The following SMCHD1 variants were observed in gnomAD, a reference collection of about 807,000 sequenced individuals.
The protein encoded by SMCHD1 is structural maintenance of chromosomes flexible hinge domain-containing protein 1.
In SMCHD1, 78 loss-of-function variants were observed where a neutral mutation model predicts 254.7. The observed-to-expected ratio is 0.31, with a 90% CI of 0.26 to 0.37. The LOEUF (loss-of-function observed/expected upper bound fraction) is 0.37, where lower values mean the gene tolerates loss of function less well. Among genes scored for constraint, SMCHD1 ranks in the 10% least tolerant of loss-of-function variants. The pLI is 1.00. For synonymous variants in SMCHD1, 766 were observed against 794.9 expected, an observed-to-expected ratio of 0.96 and a Z score of 0.61; for missense variants, 1,840 against 2,408.1, an observed-to-expected ratio of 0.76 and a Z score of 4.94.
chr18:2,689,262 G>A (rs1394200829), intron 7 of SMCHD1, among the ~76,000 whole-genome samples: 1 of 146,240 alleles, frequency 6.8e-6, no homozygotes, highest in Non-Finnish European at 1.5e-5. Context: ...CTGTCTCCTG[G>A]GCTGGAGTGC....
chr18:2,683,445 T>C (rs599853), intron 5 of SMCHD1, among the ~76,000 whole-genome samples: 125,352 of 152,142 alleles, frequency 0.82, 55,098 homozygotes, highest in East Asian at 1. Flanking sequence ...ATTGTCTTTC[T>C]ATTGATTTCA....
At chr18:2,768,882 T>TGGCA (rs71159007) in intron 37 of SMCHD1, among the ~76,000 whole-genome samples, 48,488 of 151,672 alleles carry the variant, frequency 0.32, 9,716 homozygotes, top group Non-Finnish European at 0.45. Flanking sequence ...AGAAACTGAT[T>TGGCA]GGCAGTTGGT....
intron 5 of SMCHD1, among the ~76,000 whole-genome samples, 199 bp from the exon 6 acceptor site, chr18:2,688,195 C>G (rs1304371630): frequency 6.6e-6 from 1 of 152,212 alleles, no homozygotes; most frequent in Non-Finnish European, 1.5e-5. Flanking sequence ...AAGTTTTCAG[C>G]TAAAGCTGAT....
intron 1 of SMCHD1, among the ~76,000 whole-genome samples, chr18:2,658,038 C>A (rs2073126021): frequency 6.6e-6 from 1 of 152,036 alleles, no homozygotes; most frequent in Admixed American, 6.6e-5. Context: ...AGAGATCCAC[C>A]CGCCTCCCAA....
At chr18:2,723,242 T>C (rs2143411027) in intron 20 of SMCHD1, among the ~76,000 whole-genome samples, 1 of 152,348 alleles carries the variant, frequency 6.6e-6, no homozygotes, top group South Asian at 2.1e-4. Context: ...TAATACCGTT[T>C]TCACTGATAA....
At chr18:2,750,889 A>C (rs971649061) in intron 32 of SMCHD1, among the ~76,000 whole-genome samples, 3 of 152,060 alleles carry the variant, frequency 2.0e-5, no homozygotes, top group Non-Finnish European at 4.4e-5. Context: ...TTTCAGGGAG[A>C]TCTATTTCCT....
chr18:2,759,725 A>G (rs1399088278), intron 34 of SMCHD1, among the ~76,000 whole-genome samples: 1 of 151,584 alleles, frequency 6.6e-6, no homozygotes, highest in Non-Finnish European at 1.5e-5. Flanking sequence ...GCACACCACC[A>G]TGCCTGGCTC....
intron 32 of SMCHD1, 71 bp from the exon 33 acceptor site, chr18:2,751,207 G>A (rs916434479): frequency 1.4e-5 from 11 of 766,326 alleles, no homozygotes; most frequent in Admixed American, 6.1e-5. Context: ...TTGCTTTAAG[G>A]CATACAATTA....
chr18:2,707,367 C>G, intron 15 of SMCHD1, 196 bp from the exon 16 acceptor site: 2 of 308,890 alleles, frequency 6.5e-6, no homozygotes, highest in Non-Finnish European at 1.2e-5. Flanking sequence ...TTTTTTTCTT[C>G]TTCTTTTTTT....
At chr18:2,770,734 C>A (rs1023116368) in intron 39 of SMCHD1, among the ~76,000 whole-genome samples, 4 of 152,102 alleles carry the variant, frequency 2.6e-5, no homozygotes, top group African/African-American at 9.7e-5. Flanking sequence ...GATTCTCGTG[C>A]CTCAGCCTCC....
At chr18:2,657,677 A>G (rs2073112685) in intron 1 of SMCHD1, among the ~76,000 whole-genome samples, 1 of 152,112 alleles carries the variant, frequency 6.6e-6, no homozygotes, top group South Asian at 2.1e-4. Context: ...TATGTGTTTT[A>G]TATTCTATTA....
Position 2,672,955 on chromosome 18 carries a change from C to A in SMCHD1, c.425-326C>A, listed in dbSNP as rs1006231202. On this transcript the variant is annotated intron_variant, in intron 3 of 47. Coordinates refer to ENST00000320876, the MANE Select transcript of SMCHD1 (RefSeq NM_015295.3). ...GCTTGATGTAATTACATACTGCAGA[C>A]TATTTGATTTTATGGTTATGGTCTT... 8.5e-6 allele frequency: 4 copies of A among 473,068 alleles called. No individual in the cohort carries two copies. The African/African-American group carries it at 8.7e-5, about 10-fold the overall frequency. The allele number at this position is 473,068 out of a possible 1,614,324, so 29.3% of individuals were successfully genotyped here.
At chr18:2,709,228 ATGTG>A (rs150894551) in intron 17 of SMCHD1, among the ~76,000 whole-genome samples, 7 of 108,908 alleles carry the variant, frequency 6.4e-5, no homozygotes, top group Non-Finnish European at 1.2e-4. Flanking sequence ...ATATGTGTAT[ATGTG>A]TATATATATA....
At chr18:2,672,189 A>T (rs1052109181) in intron 3 of SMCHD1, among the ~76,000 whole-genome samples, 6 of 152,096 alleles carry the variant, frequency 3.9e-5, no homozygotes, top group Admixed American at 3.9e-4. Flanking sequence ...TGGAGTGTTT[A>T]GGGTGAGTAG....
intron 45 of SMCHD1, among the ~76,000 whole-genome samples, chr18:2,789,207 T>TTA (rs1491543676): frequency 3.7e-5 from 1 of 27,104 alleles, no homozygotes; most frequent in Admixed American, 3.4e-4. Context: ...ATTATTATTA[T>TTA]TTTTTTTTTT....
intron 47 of SMCHD1, among the ~76,000 whole-genome samples, chr18:2,801,658 A>G (rs951896728): frequency 1.3e-5 from 2 of 152,116 alleles, no homozygotes; most frequent in Non-Finnish European, 2.9e-5. Context: ...GTTTCTGTAT[A>G]TTTATGTTTA....
At chr18:2,698,173 G>T in intron 10 of SMCHD1, 132 bp downstream of exon 10, 4 of 641,598 alleles carry the variant, frequency 6.2e-6, no homozygotes, top group South Asian at 2.3e-5. Context: ...GCAAGTCTTA[G>T]ATTGTTAGGT....
rs192281274 is a variant in SMCHD1, at chr18:2,718,062, C to T, written c.2261-96C>T. On this transcript the variant is annotated intron_variant, in intron 17 of 47. Coordinates refer to ENST00000320876, the MANE Select transcript of SMCHD1 (RefSeq NM_015295.3). This position sits in a 1 kb window ranked among gnomAD's most constrained non-coding sequence, Gnocchi z 4.6. ...AAGCTTCAAAGCAGGTTTTAAAATACAGCAAATAGGTATTTGGTGCCAATG... is the reference window on the plus strand; with the variant it reads ...AAGCTTCAAAGCAGGTTTTAAAATATAGCAAATAGGTATTTGGTGCCAATG... 3,227 of 890,042 alleles carry T rather than the reference C, an allele frequency of 3.6e-3. 19 individuals are homozygous for T. The highest frequency in any genetic ancestry group is 3.9e-3 in the Non-Finnish European group (2,270 of 585,632). 55.1% of individuals were successfully genotyped at this position (890,042 alleles called of 1,614,324 possible).
chr18:2,755,544 G>A (rs183182360), intron 34 of SMCHD1, among the ~76,000 whole-genome samples: 26 of 139,776 alleles, frequency 1.9e-4, no homozygotes, highest in Non-Finnish European at 1.4e-4. Flanking sequence ...CAGTTTTTGT[G>A]TATTTTCTTT....
Sources: gnomAD v4.1 joint callset for allele counts (sites outside exome capture counted in the v4.1 genomes callset) on GRCh38, gnomAD v4.1.1 for gene constraint, Gnocchi (gnomAD v3.1) non-coding constraint, MANE v1.5 for transcripts, NCBI Gene and HGNC (gene_info 2026-07-23, HGNC 2026-07-21) for gene names.